The following CACNA1C variants were observed in gnomAD, a reference collection of about 807,000 sequenced individuals.
CACNA1C encodes voltage-dependent L-type calcium channel subunit alpha-1C.
A neutral mutation model predicts 229.0 loss-of-function variants in CACNA1C; 30 were observed. The ratio of observed to expected loss-of-function variants is 0.13; its 90% CI spans 0.10 to 0.18. The LOEUF is 0.18. Ranked by LOEUF, CACNA1C falls within the 10% of genes least tolerant of loss-of-function variation. The pLI, the probability that CACNA1C is intolerant of heterozygous loss-of-function variation, is 1.00. For missense variants in CACNA1C, 1,658 were observed against 2,845.0 expected (o/e 0.58, Z 9.49); for synonymous variants, 1,114 against 1,132.5 (o/e 0.98, Z 0.33).
At chr12:2,271,300 G>T (rs1348520203) in intron 3 of CACNA1C, among the ~76,000 whole-genome samples, 1 of 152,202 alleles carries the variant, frequency 6.6e-6, no homozygotes, top group Non-Finnish European at 1.5e-5. Flanking sequence ...TAAGTCCAAG[G>T]TGCAGCCCCA....
chr12:2,620,963 C>T (rs2082931767), intron 29 of CACNA1C, among the ~76,000 whole-genome samples: 1 of 152,194 alleles, frequency 6.6e-6, no homozygotes, highest in Non-Finnish European at 1.5e-5. Flanking sequence ...ATTGAGCTTC[C>T]ATCAGTGCAG....
chr12:2,214,130 A>G (rs886556362), intron 3 of CACNA1C, among the ~76,000 whole-genome samples: 4 of 152,164 alleles, frequency 2.6e-5, no homozygotes, highest in African/African-American at 7.2e-5. Flanking sequence ...CAGCATTACA[A>G]TAATTGTGAG....
intron 3 of CACNA1C, among the ~76,000 whole-genome samples, chr12:2,337,242 C>T (rs1335613721): frequency 6.6e-6 from 1 of 152,232 alleles, no homozygotes; most frequent in Non-Finnish European, 1.5e-5. Context: ...GGCCCTTCCC[C>T]TGTAGAACTG....
chr12:2,225,884 C>T (rs914405856), intron 3 of CACNA1C, among the ~76,000 whole-genome samples: 2 of 152,034 alleles, frequency 1.3e-5, no homozygotes, highest in African/African-American at 2.4e-5. Context: ...AGTGAGGACG[C>T]CATACAAATG....
intron 3 of CACNA1C, among the ~76,000 whole-genome samples, chr12:2,305,707 G>A (rs2094953344): frequency 6.6e-6 from 1 of 152,174 alleles, no homozygotes; most frequent in African/African-American, 2.4e-5. Context: ...GCTGGCCATG[G>A]TGGTGCATGC....
chr12:2,002,969 C>A (rs2042530043), intron 1 of CACNA1C, among the ~76,000 whole-genome samples: 1 of 152,070 alleles, frequency 6.6e-6, no homozygotes. Context: ...GGGAAATAAC[C>A]TCTTTCTCCT....
chr12:2,436,779 G>A (rs139109106), intron 3 of CACNA1C, among the ~76,000 whole-genome samples: 20 of 152,284 alleles, frequency 1.3e-4, no homozygotes, highest in South Asian at 2.1e-4. Flanking sequence ...AACTCAACTC[G>A]GAATGACTTT....
At chr12:2,145,618 T>C (rs1028119676) in intron 3 of CACNA1C, among the ~76,000 whole-genome samples, 1 of 151,310 alleles carries the variant, frequency 6.6e-6, no homozygotes, top group Non-Finnish European at 1.5e-5. Flanking sequence ...TACCAGGCAC[T>C]GGGCAAGGGG....
At chr12:2,458,050 T>A (rs2099452309) in intron 5 of CACNA1C, among the ~76,000 whole-genome samples, 1 of 152,196 alleles carries the variant, frequency 6.6e-6, no homozygotes, top group Non-Finnish European at 1.5e-5. Context: ...GTGGCTAATC[T>A]CCGAGGCTCC....
intron 3 of CACNA1C, among the ~76,000 whole-genome samples, chr12:2,283,882 G>A (rs936025488): frequency 2.0e-5 from 3 of 152,226 alleles, no homozygotes; most frequent in Non-Finnish European, 4.4e-5. Flanking sequence ...CTGCTTGCAA[G>A]GATGTTAGCA....
In CACNA1C at chr12:2,559,595, T is replaced by G. The variant is rs143641366; in HGVS notation, c.1508+2618T>G. Among the ~76,000 whole-genome samples the G allele has an allele frequency of 6.0e-4, 91 of 152,384 alleles. 1 individual carries two copies. Among genetic ancestry groups the G allele is most frequent in the African/African-American group, 2.1e-3 (87 of 41,600 alleles). On this transcript the variant is annotated intron_variant, in intron 11 of 46. Coordinates refer to ENST00000399655, the MANE Select transcript of CACNA1C (RefSeq NM_000719.7). ...CGGCAGATTTTGTTCTCCTAAAGGC[T>G]TACAGCTAGTAGATTGGCACTATCA...
chr12:2,241,267 A>G (rs1237799583), intron 3 of CACNA1C, among the ~76,000 whole-genome samples: 1 of 152,056 alleles, frequency 6.6e-6, no homozygotes, highest in African/African-American at 2.4e-5. Flanking sequence ...AGCCTTAGAG[A>G]AATTCTCTGA....
At chr12:2,079,677 A>C (rs1392254733) in intron 1 of CACNA1C, among the ~76,000 whole-genome samples, 1 of 152,180 alleles carries the variant, frequency 6.6e-6, no homozygotes, top group Non-Finnish European at 1.5e-5. Flanking sequence ...AACAATGGTA[A>C]ATTTTATATA....
intron 3 of CACNA1C, among the ~76,000 whole-genome samples, chr12:2,266,928 C>T (rs949596437): frequency 7.2e-5 from 11 of 152,226 alleles, no homozygotes; most frequent in Non-Finnish European, 1.5e-4. Context: ...AATGAAGCTA[C>T]ACTGACTGGT....
At chr12:2,308,780 A>T (rs1205478427) in intron 3 of CACNA1C, among the ~76,000 whole-genome samples, 1 of 152,234 alleles carries the variant, frequency 6.6e-6, no homozygotes, top group Non-Finnish European at 1.5e-5. Context: ...ATCACCAGGG[A>T]AATGCAAATC....
At chr12:2,680,915 T>G (rs2097114055) in intron 42 of CACNA1C, among the ~76,000 whole-genome samples, 1 of 152,218 alleles carries the variant, frequency 6.6e-6, no homozygotes, top group Admixed American at 6.5e-5. Flanking sequence ...TGCTGGGCAC[T>G]GGATTTTATG....
chr12:2,378,458 A>G (rs933725623), intron 3 of CACNA1C, among the ~76,000 whole-genome samples: 4 of 152,196 alleles, frequency 2.6e-5, no homozygotes, highest in African/African-American at 9.6e-5. Flanking sequence ...ATTACCCATG[A>G]TTCCTCAAAT....
At chr12:2,550,559 T>A in intron 10 of CACNA1C, 1 of 1,351,726 alleles carries the variant, frequency 7.4e-7, no homozygotes, top group Non-Finnish European at 9.8e-7. Context: ...GAAGCAGAAG[T>A]GCAGTGGAGC....
chr12:2,663,378 T>C lies in CACNA1C; in HGVS notation c.4233-1447T>C, dbSNP rs1022132882. 2.6e-5 allele frequency among the ~76,000 whole-genome samples: 4 copies of C among 152,338 alleles called. No individual in the cohort carries two copies. In the South Asian group the frequency reaches 8.3e-4, roughly 32 times the overall value. ...CACTTTTACCCCGCTGGTGGGAATG[T>C]GAACTAGTACAGCCACTATGGAAAA... is the stretch of plus-strand genomic sequence containing the variant. On this transcript the variant is annotated intron_variant, in intron 34 of 46. Coordinates refer to ENST00000399655, the MANE Select transcript of CACNA1C (RefSeq NM_000719.7).
Sources: allele counts gnomAD v4.1 joint callset (sites outside exome capture counted in the v4.1 genomes callset), GRCh38; gene constraint gnomAD v4.1.1; transcripts MANE v1.5; gene names NCBI Gene and HGNC (gene_info 2026-07-23, HGNC 2026-07-21).